The following TINAG variants were observed in gnomAD, a reference collection of about 807,000 sequenced individuals.
The protein encoded by TINAG is tubulointerstitial nephritis antigen.
A neutral mutation model predicts 72.7 loss-of-function variants in TINAG; 83 were observed. The observed-to-expected ratio is 1.14, with a 90% confidence interval of 0.96 to 1.37. TINAG has a LOEUF of 1.37. Ranked by LOEUF, TINAG falls within the 40% of genes most tolerant of loss-of-function variation. The pLI is 0.00. For missense variants in TINAG, 685 were observed against 576.6 expected, an observed-to-expected ratio of 1.19 and a Z score of -1.93; for synonymous variants, 234 against 189.9, an observed-to-expected ratio of 1.23 and a Z score of -1.91.
chr6:54,362,346 C>T (rs529117207), intron 9 of TINAG, among the ~76,000 whole-genome samples: 4 of 151,702 alleles, frequency 2.6e-5, no homozygotes, highest in Middle Eastern at 3.4e-3. Context: ...CCCTAGGGCC[C>T]TTAAGAGTTA....
intron 4 of TINAG, among the ~76,000 whole-genome samples, chr6:54,337,270 T>TTTTTTA (rs1784888833): frequency 8.7e-6 from 1 of 115,270 alleles, no homozygotes; most frequent in Admixed American, 8.3e-5. Context: ...TTTTTTTTTT[T>TTTTTTA]GAGACAGAGT....
chr6:54,316,642 A>G (rs898721386), intron 1 of TINAG, among the ~76,000 whole-genome samples: 1 of 152,174 alleles, frequency 6.6e-6, no homozygotes, highest in Non-Finnish European at 1.5e-5. Context: ...TTTAAAATAA[A>G]TTATAGACAA....
intron 9 of TINAG, among the ~76,000 whole-genome samples, chr6:54,363,306 T>C (rs1315332630): frequency 2.6e-5 from 4 of 151,612 alleles, no homozygotes; most frequent in Non-Finnish European, 5.9e-5. Context: ...GTTTGCATTA[T>C]TTAAAGATTG....
chr6:54,341,902 T>C (rs1042716681), intron 4 of TINAG, among the ~76,000 whole-genome samples: 4 of 152,206 alleles, frequency 2.6e-5, no homozygotes, highest in African/African-American at 9.6e-5. Context: ...TCAACATGTC[T>C]TTTAACTGCT....
At chr6:54,351,420 T>G (rs532219791) in intron 8 of TINAG, 23 bp downstream of exon 8, 360 of 1,604,648 alleles carry the variant, frequency 2.2e-4, no homozygotes, top group Non-Finnish European at 2.9e-4. Context: ...GAAATACGGT[T>G]TTTTCTTACT....
intron 4 of TINAG, chr6:54,327,145 G>A: frequency 6.5e-7 from 1 of 1,548,378 alleles, no homozygotes; most frequent in Non-Finnish European, 8.7e-7. Flanking sequence ...CTTTAGGAAT[G>A]ATTGAATGGG....
chr6:54,340,621 G>A (rs565647939), intron 4 of TINAG, among the ~76,000 whole-genome samples: 129 of 152,196 alleles, frequency 8.5e-4, no homozygotes, highest in African/African-American at 2.7e-3. Flanking sequence ...ATATGTGCCT[G>A]CTGCTCCTCA....
intron 10 of TINAG, among the ~76,000 whole-genome samples, chr6:54,381,795 T>A (rs138201792): frequency 3.3e-5 from 5 of 152,272 alleles, no homozygotes; most frequent in South Asian, 2.1e-4. Context: ...AACAGTTTTT[T>A]AATCTCATAA....
At chr6:54,360,841 GTTTTTTTTTTTTT>G (rs70983415) in intron 9 of TINAG, among the ~76,000 whole-genome samples, 596 of 26,266 alleles carry the variant, frequency 0.023, 24 homozygotes, top group East Asian at 0.18. Flanking sequence ...CAGATACTGT[GTTTTTTTTTTTTT>G]TTTTTTTTTT....
At chr6:54,310,674 C>T (rs1376290047) in intron 1 of TINAG, among the ~76,000 whole-genome samples, 2 of 124,696 alleles carry the variant, frequency 1.6e-5, no homozygotes, top group Non-Finnish European at 3.7e-5. Context: ...CTCTCTTTCT[C>T]TCCCTCTTTC....
At chr6:54,330,172 T>G (rs945210509) in intron 4 of TINAG, among the ~76,000 whole-genome samples, 1 of 152,130 alleles carries the variant, frequency 6.6e-6, no homozygotes, top group Admixed American at 6.5e-5. Context: ...ATATACAATC[T>G]TCTCAGCACC....
intron 10 of TINAG, among the ~76,000 whole-genome samples, chr6:54,384,123 T>G (rs1369992136): frequency 1.3e-5 from 2 of 152,054 alleles, no homozygotes. Flanking sequence ...AAACACTACA[T>G]GTTCTCACTC....
intron 1 of TINAG, among the ~76,000 whole-genome samples, chr6:54,319,353 T>C (rs1423213376): frequency 6.6e-6 from 1 of 152,176 alleles, no homozygotes; most frequent in Non-Finnish European, 1.5e-5. Context: ...TCTAATCTTA[T>C]GTAGCAATTA....
intron 3 of TINAG, among the ~76,000 whole-genome samples, chr6:54,324,480 C>A (rs1442009891): frequency 1.3e-5 from 2 of 152,168 alleles, no homozygotes; most frequent in Non-Finnish European, 2.9e-5. Flanking sequence ...TCAATTCTAC[C>A]ACTTTCTATT....
At chr6:54,378,898 G>T (rs992840704) in intron 9 of TINAG, among the ~76,000 whole-genome samples, 1 of 152,026 alleles carries the variant, frequency 6.6e-6, no homozygotes, top group Non-Finnish European at 1.5e-5. Context: ...TCACTCTCAT[G>T]CCAAAGGATC....
Position 54,308,608 on chromosome 6 carries a change from G to C in TINAG, c.58G>C (p.Glu20Gln). ...FSYLTTEIWM[E>Q]KQYLSQREVD... The stretch of plus-strand genomic sequence containing the variant: ...TTATCTTACTACAGAAATCTGGATG[G>C]AGAAGCAGTATTTATCTCAAAGAGA... The change falls in exon 1 of 11, where the codon GAG becomes CAG. Residue 20 changes from glutamate to glutamine, a missense_variant. Glu to Gln is a conservative substitution (Grantham distance 29). Coordinates refer to ENST00000259782, the MANE Select transcript of TINAG (RefSeq NM_014464.4). 3 of 1,613,586 alleles carry C rather than the reference G, an allele frequency of 1.9e-6. No individual in the cohort carries two copies. Among genetic ancestry groups the C allele is most frequent in the Non-Finnish European group, 2.5e-6 (3 of 1,179,778 alleles).
chr6:54,314,702 G>A (rs1372518103), intron 1 of TINAG, among the ~76,000 whole-genome samples: 5 of 152,116 alleles, frequency 3.3e-5, no homozygotes, highest in Admixed American at 1.3e-4. Context: ...TTAAAAGTAT[G>A]AGTTGTAATT....
chr6:54,346,738 T>A (rs1476912251), intron 5 of TINAG, among the ~76,000 whole-genome samples: 1 of 151,976 alleles, frequency 6.6e-6, no homozygotes, highest in Admixed American at 6.6e-5. Context: ...TCATTTATAT[T>A]ATGAGCACAA....
intron 1 of TINAG, among the ~76,000 whole-genome samples, chr6:54,320,022 C>T (rs1582697863): frequency 6.6e-6 from 1 of 152,124 alleles, no homozygotes; most frequent in East Asian, 1.9e-4. Flanking sequence ...AGTTAAGAAA[C>T]ATTTGGATTT....
Sources: allele counts gnomAD v4.1 joint callset (sites outside exome capture counted in the v4.1 genomes callset), GRCh38; gene constraint gnomAD v4.1.1; transcripts MANE v1.5; gene names NCBI Gene and HGNC (gene_info 2026-07-23, HGNC 2026-07-21).